Variants in NELL1 observed in about 807,000 individuals in gnomAD.
NELL1 encodes neural EGFL like 1.
In NELL1, 76 loss-of-function variants were observed where a neutral mutation model predicts 107.4. The observed-to-expected ratio is 0.71, with a 90% CI of 0.59 to 0.86. The LOEUF (loss-of-function observed/expected upper bound fraction) is 0.86. NELL1 is among the 40% of genes least tolerant of loss of function. NELL1 has a pLI of 0.00. For synonymous variants in NELL1, 353 were observed against 341.2 expected, an observed-to-expected ratio of 1.03 and a Z score of -0.38; for missense variants, 1,024 against 1,005.5, an observed-to-expected ratio of 1.02 and a Z score of -0.25.
intron 3 of NELL1, among the ~76,000 whole-genome samples, chr11:20,789,736 G>A (rs2133989423): frequency 6.6e-6 from 1 of 152,316 alleles, no homozygotes; most frequent in Non-Finnish European, 1.5e-5. Context: ...TCTTCCACAG[G>A]AGTAGCTCCT....
intron 14 of NELL1, among the ~76,000 whole-genome samples, chr11:21,266,968 T>G (rs559866560): frequency 3.3e-5 from 5 of 152,256 alleles, no homozygotes; most frequent in East Asian, 1.9e-4. Flanking sequence ...CTCATAATTC[T>G]TAGCCTATTT....
chr11:21,319,634 G>A (rs115562467), intron 14 of NELL1, among the ~76,000 whole-genome samples: 4,187 of 150,994 alleles, frequency 0.028, 206 homozygotes, highest in African/African-American at 0.086. Context: ...GTGTCACCGC[G>A]CCCAGCCGGA....
intron 13 of NELL1, among the ~76,000 whole-genome samples, chr11:21,181,404 A>G (rs1165553273): frequency 3.3e-5 from 5 of 151,888 alleles, no homozygotes; most frequent in African/African-American, 1.2e-4. Context: ...GGAGAAAAAA[A>G]AGCTGCTGTT....
intron 10 of NELL1, among the ~76,000 whole-genome samples, chr11:20,939,974 C>T (rs1211813590): frequency 6.6e-6 from 1 of 152,156 alleles, no homozygotes; most frequent in Non-Finnish European, 1.5e-5. Flanking sequence ...TGAATGGGCT[C>T]AGCTTAATGA....
intron 15 of NELL1, among the ~76,000 whole-genome samples, chr11:21,405,050 T>C (rs1852201207): frequency 6.6e-6 from 1 of 152,042 alleles, no homozygotes; most frequent in South Asian, 2.1e-4. Flanking sequence ...AAGAAAGGTT[T>C]GGGGTTAAAA....
chr11:20,790,119 G>A (rs534975173), intron 3 of NELL1, among the ~76,000 whole-genome samples: 1 of 152,288 alleles, frequency 6.6e-6, no homozygotes, highest in South Asian at 2.1e-4. Context: ...GGCACTGGCA[G>A]CCATCAGGCC....
intron 1 of NELL1, among the ~76,000 whole-genome samples, chr11:20,672,692 C>A (rs1853943933): frequency 6.6e-6 from 1 of 152,102 alleles, no homozygotes; most frequent in Non-Finnish European, 1.5e-5. Context: ...TTCACCAATG[C>A]TTTGGCAGTG....
chr11:20,908,034 T>C (rs1850043280), intron 5 of NELL1, among the ~76,000 whole-genome samples: 1 of 152,152 alleles, frequency 6.6e-6, no homozygotes, highest in African/African-American at 2.4e-5. Context: ...ATGGCGATTA[T>C]TAAAAAGGCA....
Position 21,320,155 on chromosome 11 carries a change from TC to T in NELL1, c.1550-50697del, listed in dbSNP as rs530692236. Among the ~76,000 whole-genome samples the T allele has an allele frequency of 2.1e-3, 314 of 152,232 alleles. 1 individual carries two copies. The highest frequency in any genetic ancestry group is 7.1e-3 in the African/African-American group (297 of 41,550). On this transcript the variant is annotated intron_variant, in intron 14 of 19. Transcript: ENST00000357134. ...GGGATGGTTCATCCCTTTTTCTTCT[TC>T]TCCTGCTGATAACAGTTATATGGTT...
At chr11:21,345,227 G>A (rs1850659186) in intron 14 of NELL1, among the ~76,000 whole-genome samples, 1 of 152,158 alleles carries the variant, frequency 6.6e-6, no homozygotes, top group Non-Finnish European at 1.5e-5. Context: ...CTGAAATAAT[G>A]TTATAGTTTG....
chr11:21,151,581 C>T (rs893996053), intron 13 of NELL1, among the ~76,000 whole-genome samples: 11 of 152,216 alleles, frequency 7.2e-5, no homozygotes, highest in African/African-American at 2.6e-4. Context: ...CCTCAGTTTC[C>T]ACATCTGAAA....
intron 3 of NELL1, among the ~76,000 whole-genome samples, chr11:20,827,003 T>G (rs1857899230): frequency 6.6e-6 from 1 of 151,264 alleles, no homozygotes; most frequent in South Asian, 2.1e-4. Context: ...TCACTGGCAG[T>G]TAGTTTAACT....
At chr11:21,438,204 G>C (rs1034040280) in intron 15 of NELL1, among the ~76,000 whole-genome samples, 1 of 151,096 alleles carries the variant, frequency 6.6e-6, no homozygotes, top group Non-Finnish European at 1.5e-5. Context: ...CTGGAATAGA[G>C]TTTATTTTTC....
intron 4 of NELL1, among the ~76,000 whole-genome samples, chr11:20,862,379 G>C (rs1167783336): frequency 6.6e-6 from 1 of 151,996 alleles, no homozygotes; most frequent in South Asian, 2.1e-4. Flanking sequence ...CACTACACAC[G>C]CACAAGCTTC....
intron 15 of NELL1, among the ~76,000 whole-genome samples, chr11:21,454,570 A>C (rs1853673283): frequency 6.6e-6 from 1 of 152,234 alleles, no homozygotes; most frequent in African/African-American, 2.4e-5. Context: ...TTAAAAGTTA[A>C]AAATGAAAAA....
At chr11:20,822,338 A>G (rs1857774388) in intron 3 of NELL1, among the ~76,000 whole-genome samples, 1 of 152,228 alleles carries the variant, frequency 6.6e-6, no homozygotes, top group Non-Finnish European at 1.5e-5. Flanking sequence ...TAGATGGTAT[A>G]GCAGATGGAA....
In NELL1 at chr11:20,721,183, A is replaced by G. The variant is rs552772512; in HGVS notation, c.184+43123A>G. ...TGAGATATAGATATATATTTTGTGT[A>G]TATATATATATATAGTGTATATATA... On this transcript the variant is annotated intron_variant, in intron 2 of 19. Transcript: ENST00000357134. 7.0e-4 allele frequency among the ~76,000 whole-genome samples: 69 copies of G among 98,228 alleles called. 4 individuals carry two copies. The highest frequency in any genetic ancestry group is 2.3e-3 in the African/African-American group (66 of 28,420). The allele number at this position is 98,228 out of a possible 152,430, so 64.4% of individuals were successfully genotyped here.
intron 14 of NELL1, among the ~76,000 whole-genome samples, chr11:21,323,880 G>T (rs1850068471): frequency 6.6e-6 from 1 of 152,190 alleles, no homozygotes; most frequent in South Asian, 2.1e-4. Flanking sequence ...TCAGGGTTGA[G>T]CAAAAATATG....
At chr11:20,864,226 G>A (rs1849053431) in intron 4 of NELL1, among the ~76,000 whole-genome samples, 1 of 152,142 alleles carries the variant, frequency 6.6e-6, no homozygotes. Flanking sequence ...TGTAGAGCAG[G>A]CTGTTTGAAA....
Sources: allele counts gnomAD v4.1 joint callset (sites outside exome capture counted in the v4.1 genomes callset), GRCh38; gene constraint gnomAD v4.1.1; transcripts MANE v1.5; gene names NCBI Gene and HGNC (gene_info 2026-07-23, HGNC 2026-07-21).